Variants in SLC24A2 observed in about 807,000 individuals in gnomAD.
SLC24A2 encodes the protein solute carrier family 24 member 2.
Under a neutral mutation model 62.0 loss-of-function variants are expected in SLC24A2, and 36 were observed. That is an observed-to-expected ratio of 0.58 (90% CI 0.44 to 0.77). SLC24A2 has a LOEUF of 0.77. Among genes scored for constraint, SLC24A2 ranks in the 30% least tolerant of loss-of-function variants. The pLI is 0.00. For missense variants in SLC24A2, 846 were observed against 817.9 expected (o/e 1.03, Z -0.42); for synonymous variants, 358 against 294.0 (o/e 1.22, Z -2.23).
chr9:19,571,128 T>C (rs1281682065), intron 7 of SLC24A2, among the ~76,000 whole-genome samples: 1 of 152,076 alleles, frequency 6.6e-6, no homozygotes, highest in Non-Finnish European at 1.5e-5. Flanking sequence ...GACTGTGCCA[T>C]CCCCAAGGGC....
the SLC24A2 span, among the ~76,000 whole-genome samples, chr9:20,286,311 G>A: frequency 6.6e-6 from 1 of 152,190 alleles, no homozygotes; most frequent in Non-Finnish European, 1.5e-5. Context: ...AGGGCTATGA[G>A]GCAGCTCAGG....
chr9:20,087,293 G>C, the SLC24A2 span, among the ~76,000 whole-genome samples: 2 of 152,152 alleles, frequency 1.3e-5, no homozygotes, highest in Non-Finnish European at 2.9e-5. Flanking sequence ...ATCCTCTTCA[G>C]CTTTTCTATA....
the SLC24A2 span, among the ~76,000 whole-genome samples, chr9:20,245,413 GA>G: frequency 2.0e-5 from 3 of 152,332 alleles, no homozygotes; most frequent in South Asian, 2.1e-4. Context: ...AAGAGAGGTG[GA>G]AGTCTATGAT....
intron 2 of SLC24A2, among the ~76,000 whole-genome samples, chr9:19,647,452 A>T (rs1818676005): frequency 6.6e-6 from 1 of 152,204 alleles, no homozygotes. Flanking sequence ...GATGAGAAAC[A>T]TGTGGACATC....
At chr9:20,014,548 C>T in the SLC24A2 span, among the ~76,000 whole-genome samples, 1 of 149,648 alleles carries the variant, frequency 6.7e-6, no homozygotes, top group Non-Finnish European at 1.5e-5. Flanking sequence ...ACTATTTAGC[C>T]TTAAAAAGAG....
At chr9:20,071,193 A>G in the SLC24A2 span, among the ~76,000 whole-genome samples, 1 of 152,148 alleles carries the variant, frequency 6.6e-6, no homozygotes, top group Non-Finnish European at 1.5e-5. Context: ...TGGGCCAGTT[A>G]AGCTTCTTTT....
At chr9:19,751,508 A>C (rs1277769237) in intron 2 of SLC24A2, among the ~76,000 whole-genome samples, 1 of 152,176 alleles carries the variant, frequency 6.6e-6, no homozygotes, top group African/African-American at 2.4e-5. Context: ...AAACTTTCCC[A>C]GGTGATTTTA....
At chr9:20,118,278 A>G in the SLC24A2 span, among the ~76,000 whole-genome samples, 1 of 152,170 alleles carries the variant, frequency 6.6e-6, no homozygotes, top group African/African-American at 2.4e-5. Flanking sequence ...TGCTGTTATC[A>G]GCTGTTAATT....
the SLC24A2 span, among the ~76,000 whole-genome samples, chr9:20,164,058 G>C: frequency 1.3e-5 from 2 of 152,094 alleles, no homozygotes; most frequent in Non-Finnish European, 2.9e-5. Context: ...TTACCATTCA[G>C]GACATAGGCA....
chr9:19,687,664 A>G (rs964262223), intron 2 of SLC24A2, among the ~76,000 whole-genome samples: 2 of 152,048 alleles, frequency 1.3e-5, no homozygotes, highest in African/African-American at 2.4e-5. Flanking sequence ...TTACCTTTAC[A>G]CTTGACTTTG....
chr9:19,969,339 C>T, the SLC24A2 span, among the ~76,000 whole-genome samples: 1 of 152,114 alleles, frequency 6.6e-6, no homozygotes, highest in African/African-American at 2.4e-5. Context: ...GGCTCAGTGA[C>T]ATTCCCTCAA....
chr9:20,233,746 T>C, the SLC24A2 span, among the ~76,000 whole-genome samples: 2 of 152,248 alleles, frequency 1.3e-5, no homozygotes, highest in South Asian at 2.1e-4. Flanking sequence ...AATAGTGTTA[T>C]GTGTGAATTT....
chr9:20,139,684 T>TTATCAAATGA, the SLC24A2 span, among the ~76,000 whole-genome samples: 2 of 152,232 alleles, frequency 1.3e-5, no homozygotes, highest in Non-Finnish European at 2.9e-5. Context: ...AGACTCACTT[T>TTATCAAATGA]TATCAAATGA....
rs1295980108 is a variant in SLC24A2, at chr9:19,512,414, G to A, written c.*3739C>T. On this transcript the variant is annotated 3_prime_UTR_variant, in exon 11 of 11. Transcript: ENST00000341998. Reference sequence around the variant, plus strand: ...TTTAGGACATTCTGCTGCATCTGCCGAGGGTATAAACAACCCTATCCCTTA... The same window carrying A: ...TTTAGGACATTCTGCTGCATCTGCCAAGGGTATAAACAACCCTATCCCTTA... 1 of 152,208 alleles carries A rather than the reference G, an allele frequency of 6.6e-6. No homozygotes were observed. The highest frequency in any genetic ancestry group is 2.4e-5 in the African/African-American group (1 of 41,442). 9.4% of individuals were successfully genotyped at this position (152,208 alleles called of 1,614,324 possible). A position where few individuals can be genotyped will look rare whatever the true frequency, so the allele number is the denominator to read the frequency against.
At chr9:19,582,731 A>T (rs1443049292) in intron 5 of SLC24A2, among the ~76,000 whole-genome samples, 1 of 152,078 alleles carries the variant, frequency 6.6e-6, no homozygotes, top group Admixed American at 6.6e-5. Flanking sequence ...CATAGACTTC[A>T]GTTAAGCCTT....
At chr9:19,688,271 T>C (rs973306585) in intron 2 of SLC24A2, among the ~76,000 whole-genome samples, 12 of 152,246 alleles carry the variant, frequency 7.9e-5, no homozygotes, top group Non-Finnish European at 1.3e-4. Flanking sequence ...TTGTGTGGCT[T>C]TAGGCACATC....
chr9:19,655,444 G>C (rs954077659), intron 2 of SLC24A2, among the ~76,000 whole-genome samples: 3 of 152,302 alleles, frequency 2.0e-5, no homozygotes, highest in South Asian at 4.1e-4. Context: ...TCAAAAATGA[G>C]AGGCCAAATT....
At chr9:19,649,741 G>A (rs557913606) in intron 2 of SLC24A2, among the ~76,000 whole-genome samples, 29 of 152,322 alleles carry the variant, frequency 1.9e-4, no homozygotes, top group African/African-American at 5.3e-4. Flanking sequence ...TATGGACAGC[G>A]GAAAGAAATA....
At chr9:19,769,227 CTT>C (rs1480949874) in intron 2 of SLC24A2, among the ~76,000 whole-genome samples, 1 of 152,206 alleles carries the variant, frequency 6.6e-6, no homozygotes, top group Admixed American at 6.5e-5. Context: ...CGATTTCTCT[CTT>C]TTTATCCTTC....
Sources: gnomAD v4.1 joint callset for allele counts (sites outside exome capture counted in the v4.1 genomes callset) on GRCh38, gnomAD v4.1.1 for gene constraint, MANE v1.5 for transcripts, NCBI Gene and HGNC (gene_info 2026-07-23, HGNC 2026-07-21) for gene names.